Variants in KCNAB2 observed in about 807,000 individuals in gnomAD.
KCNAB2 encodes the protein potassium voltage-gated channel subfamily A regulatory beta subunit 2.
In KCNAB2, 29 loss-of-function variants were observed where a neutral mutation model predicts 63.6. The observed-to-expected ratio is 0.46, with a 90% CI of 0.34 to 0.62. The LOEUF is 0.62. Ranked by LOEUF, KCNAB2 falls within the 20% of genes least tolerant of loss-of-function variation. The pLI is 0.01. For synonymous variants in KCNAB2, 222 were observed against 224.2 expected, an observed-to-expected ratio of 0.99 and a Z score of 0.09; for missense variants, 359 against 563.9, an observed-to-expected ratio of 0.64 and a Z score of 3.68.
intron 1 of KCNAB2, among the ~76,000 whole-genome samples, chr1:6,022,357 C>T (rs34194051): frequency 0.11 from 16,159 of 151,130 alleles, 1,132 homozygotes; most frequent in Non-Finnish European, 0.16. Flanking sequence ...GTGTACAGTT[C>T]GGTGGTATTA....
intron 1 of KCNAB2, among the ~76,000 whole-genome samples, chr1:5,996,493 G>A (rs568318491): frequency 6.6e-6 from 1 of 152,360 alleles, no homozygotes; most frequent in Non-Finnish European, 1.5e-5. Flanking sequence ...GCTCTGCGCA[G>A]TGACCACATG....
intron 1 of KCNAB2, among the ~76,000 whole-genome samples, chr1:6,008,994 G>T (rs1657989889): frequency 6.6e-6 from 1 of 152,232 alleles, no homozygotes; most frequent in Non-Finnish European, 1.5e-5. Flanking sequence ...ACACGTCCAG[G>T]CCAGAAAGAG....
chr1:6,044,521 G>T (rs978198494), upstream of KCNAB2, among the ~76,000 whole-genome samples: 1 of 152,218 alleles, frequency 6.6e-6, no homozygotes, highest in Non-Finnish European at 1.5e-5. Context: ...GGAAGTGACA[G>T]TTACCCAGCC....
At chr1:6,045,868 C>G (rs1255631156), upstream of KCNAB2, 25 of 984,254 alleles carry the variant, frequency 2.5e-5, no homozygotes, top group Non-Finnish European at 2.8e-5. This position sits in a 1 kb window ranked among gnomAD's most constrained non-coding sequence, Gnocchi z 4.8. Context: ...TTGGGCTGCA[C>G]CCCAACCCCA....
rs1571034689 is a variant in KCNAB2, at chr1:6,074,867, T to C, written c.300+1097T>C. On this transcript the variant is annotated intron_variant, in intron 4 of 15. Coordinates refer to ENST00000378083, the MANE Select transcript of KCNAB2 (RefSeq NM_001199862.2). The surrounding 1 kb of genome is among the most constrained non-coding windows in gnomAD (Gnocchi z 4.9). ...TACTCAGGAGGCTGAGGCAGGAGAA[T>C]TGCTTGAACCCAGAAGGGGGAGGTT... Among the ~76,000 whole-genome samples the C allele has an allele frequency of 6.6e-6, 1 of 151,896 alleles. No homozygotes were observed.
At chr1:6,085,964 C>CG in intron 6 of KCNAB2, 1 of 985,424 alleles carries the variant, frequency 1.0e-6, no homozygotes, top group Non-Finnish European at 1.2e-6. Flanking sequence ...GGTCGCAGAT[C>CG]GGGGGCCATC....
intron 1 of KCNAB2, among the ~76,000 whole-genome samples, chr1:5,995,050 A>G (rs756670218): frequency 1.3e-5 from 2 of 152,074 alleles, no homozygotes; most frequent in African/African-American, 2.4e-5. Context: ...CAGGTGCGGT[A>G]TGTGTCTGGT....
chr1:6,095,744 C>A, intron 13 of KCNAB2, 120 bp downstream of exon 13: 1 of 911,036 alleles, frequency 1.1e-6, no homozygotes, highest in South Asian at 1.5e-5. Flanking sequence ...CTGTTCCCAC[C>A]TCGGTCTGCT....
chr1:6,039,102 G>A (rs973288702), intron 1 of KCNAB2, among the ~76,000 whole-genome samples: 17 of 152,232 alleles, frequency 1.1e-4, no homozygotes, highest in African/African-American at 3.9e-4. Context: ...CGGCCGGGGA[G>A]CAGCAGGGAC....
At chr1:6,064,569 C>CT (rs1308212615) in intron 2 of KCNAB2, among the ~76,000 whole-genome samples, 1 of 152,206 alleles carries the variant, frequency 6.6e-6, no homozygotes, top group African/African-American at 2.4e-5. Flanking sequence ...GGGCAAAAGA[C>CT]TTAACCTGAG....
At chr1:6,039,656 G>T (rs753375131) in intron 1 of KCNAB2, among the ~76,000 whole-genome samples, 4 of 152,208 alleles carry the variant, frequency 2.6e-5, no homozygotes, top group Non-Finnish European at 5.9e-5. Flanking sequence ...CTGAGCTGCA[G>T]TCGAGGTTCT....
At chr1:6,000,930 C>G (rs933255339) in intron 1 of KCNAB2, among the ~76,000 whole-genome samples, 2 of 152,312 alleles carry the variant, frequency 1.3e-5, no homozygotes, top group East Asian at 3.9e-4. Context: ...CAAGGCGTCA[C>G]TCAGGCCACC....
chr1:6,085,402 G>A (rs1022648632), intron 6 of KCNAB2, among the ~76,000 whole-genome samples, 154 bp downstream of exon 6: 7 of 152,252 alleles, frequency 4.6e-5, no homozygotes, highest in Non-Finnish European at 1.0e-4. Context: ...AGTTCTCCAA[G>A]AGTAGGAGGT....
chr1:6,030,160 G>A (rs757943197), upstream of KCNAB2, among the ~76,000 whole-genome samples: 15 of 152,206 alleles, frequency 9.9e-5, no homozygotes, highest in Admixed American at 2.6e-4. Context: ...GGGGTTAAGC[G>A]CTAAGATGAA....
chr1:6,061,499 C>T (rs761714278), intron 2 of KCNAB2, among the ~76,000 whole-genome samples: 122 of 152,358 alleles, frequency 8.0e-4, no homozygotes, highest in Non-Finnish European at 1.5e-3. Flanking sequence ...CAGAGCAGGC[C>T]TCCTCAACCC....
At chr1:6,065,944 C>T (rs1216708712) in intron 2 of KCNAB2, among the ~76,000 whole-genome samples, 1 of 152,248 alleles carries the variant, frequency 6.6e-6, no homozygotes, top group Non-Finnish European at 1.5e-5. Context: ...ATGCCTGCAG[C>T]TTCCTTGGCT....
At chr1:6,059,601 G>A (rs753783212) in intron 2 of KCNAB2, among the ~76,000 whole-genome samples, 2 of 151,838 alleles carry the variant, frequency 1.3e-5, no homozygotes, top group Non-Finnish European at 2.9e-5. Flanking sequence ...TGCTGGCGCC[G>A]TGGTCATTGT....
At chr1:5,998,287 C>G (rs1657046479) in intron 1 of KCNAB2, among the ~76,000 whole-genome samples, 1 of 152,228 alleles carries the variant, frequency 6.6e-6, no homozygotes, top group Non-Finnish European at 1.5e-5. Flanking sequence ...GAGGAGAGCC[C>G]TGGAGCCCCC....
At position 6,086,891 on chromosome 1, in the gene KCNAB2, C is replaced by CCCT. The variant is rs949233016; in HGVS notation, c.426-573_426-571dup. Among the ~76,000 whole-genome samples the CCCT allele has an allele frequency of 1.3e-5, 2 of 151,750 alleles. No homozygotes were observed. Among genetic ancestry groups the CCCT allele is most frequent in the African/African-American group, 2.4e-5 (1 of 41,276 alleles). Reference sequence around the variant, plus strand: ...ACCAGGCCGTCCTTATGCCTCCCCTCCCTCCCTTGGTGCCCCTCAAGTTAC... The same window carrying CCCT: ...ACCAGGCCGTCCTTATGCCTCCCCTCCCTCCTCCCTTGGTGCCCCTCAAGTTAC... On this transcript the variant is annotated intron_variant, in intron 6 of 15. Transcript: ENST00000378083. This position sits in a 1 kb window ranked among gnomAD's most constrained non-coding sequence, Gnocchi z 4.2.
Sources: allele counts gnomAD v4.1 joint callset (sites outside exome capture counted in the v4.1 genomes callset), GRCh38; gene constraint gnomAD v4.1.1; non-coding constraint Gnocchi (gnomAD v3.1); transcripts MANE v1.5; gene names NCBI Gene and HGNC (gene_info 2026-07-23, HGNC 2026-07-21).